Variants in RSPH4A observed in about 807,000 individuals in gnomAD.
RSPH4A encodes radial spoke head component 4A.
In RSPH4A, 47 loss-of-function variants were observed where a neutral mutation model predicts 71.0. That is an observed-to-expected ratio of 0.66 (90% CI 0.52 to 0.84). RSPH4A has a LOEUF of 0.84. Among genes scored for constraint, RSPH4A ranks in the 40% least tolerant of loss-of-function variants. The pLI is 0.00. For synonymous variants in RSPH4A, 282 were observed against 302.3 expected (o/e 0.93, Z 0.70); for missense variants, 793 against 855.2 (o/e 0.93, Z 0.91).
intron 5 of RSPH4A, among the ~76,000 whole-genome samples, chr6:116,630,845 G>GTGT (rs1285123787): frequency 1.5e-5 from 1 of 67,714 alleles, no homozygotes; most frequent in African/African-American, 7.3e-5. Context: ...GCTAATTTTT[G>GTGT]TATTTTTTTT....
At chr6:116,631,411 A>G (rs1775802684) in intron 5 of RSPH4A, among the ~76,000 whole-genome samples, 3 of 152,158 alleles carry the variant, frequency 2.0e-5, no homozygotes, top group South Asian at 4.1e-4. Context: ...CCTCTATTGG[A>G]GAGTCAGGTG....
chr6:116,629,850 T>C (rs1272565981), intron 4 of RSPH4A, 148 bp downstream of exon 4: 1 of 748,580 alleles, frequency 1.3e-6, no homozygotes, highest in Non-Finnish European at 2.2e-6. Context: ...TCTGGGATGA[T>C]AGGGAGTGAA....
intron 2 of RSPH4A, among the ~76,000 whole-genome samples, chr6:116,626,934 A>G (rs965626270): frequency 1.3e-5 from 2 of 152,118 alleles, no homozygotes; most frequent in African/African-American, 2.4e-5. Context: ...TAATATAGAC[A>G]TATGGAAAAC....
rs746335904 is a variant in RSPH4A at position 116,627,793 on chromosome 6, G to C, written c.1086G>C (p.Leu362=). 1.2e-6 allele frequency: 2 copies of C among 1,614,116 alleles called. No individual in the cohort carries two copies. The highest frequency in any genetic ancestry group is 3.3e-5 in the Admixed American group (2 of 60,016). The change falls in exon 3 of 6, where the codon CTG becomes CTC. Residue 362 remains leucine (L), a synonymous_variant. Transcript: ENST00000229554. ...GCTTCTGGGGAAAGATCTTGGGTCT[G>C]GAAATGAATTATATTGTAGCTGAAG... ...RCRFWGKILG[L]EMNYIVAEVE...
At chr6:116,617,917 C>T (rs537789444) in intron 1 of RSPH4A, among the ~76,000 whole-genome samples, 5 of 152,240 alleles carry the variant, frequency 3.3e-5, no homozygotes, top group East Asian at 1.9e-4. Flanking sequence ...TATGTTCTGC[C>T]CATCCCATTA....
Position 116,616,964 on chromosome 6 carries a change from C to A in RSPH4A, c.341C>A (p.Thr114Lys), listed in dbSNP as rs562856574. The A allele has an allele frequency of 1.7e-4, 280 of 1,614,224 alleles. 6 individuals are homozygous for A. In the Admixed American group the frequency reaches 4.5e-3, roughly 26 times the overall value. ...LAAPPQSDRT[T>K]SVIPEAGTPY... ...GCACCACCTCAGTCGGACAGGACCA[C>A]GAGTGTGATTCCTGAAGCTGGGACA... The change falls in exon 1 of 6, where the codon ACG becomes AAG. Residue 114 changes from threonine to lysine, a missense_variant. Transcript: ENST00000229554.
intron 5 of RSPH4A, among the ~76,000 whole-genome samples, chr6:116,631,217 T>C (rs1013942530): frequency 2.0e-5 from 3 of 152,224 alleles, no homozygotes; most frequent in African/African-American, 7.2e-5. Flanking sequence ...TGGAGGTATT[T>C]CTAAGCAATG....
At chr6:116,624,154 A>C (rs927754227) in intron 2 of RSPH4A, among the ~76,000 whole-genome samples, 1 of 152,352 alleles carries the variant, frequency 6.6e-6, no homozygotes, top group Admixed American at 6.5e-5. Context: ...GAGACAGTAG[A>C]TGCTTTCTCC....
At chr6:116,626,264 T>C (rs76695434) in intron 2 of RSPH4A, among the ~76,000 whole-genome samples, 6,619 of 152,320 alleles carry the variant, frequency 0.043, 244 homozygotes, top group Admixed American at 0.14. Context: ...AAGTTTTTCA[T>C]CTTGAGGGTC....
rs146636625 is a variant in RSPH4A, at chr6:116,628,040, C to A, written c.1333C>A (p.Pro445Thr). ...ACCAGGAAGACCATGGGTGAAGTTA[C>A]CACCAGTTATACCTGCACAAATTGT... Reference protein sequence around the residue: ...NEPGRPWVKLPPVIPAQIVIA... With the variant: ...NEPGRPWVKLTPVIPAQIVIA... Residue 445 changes from proline to threonine, a missense_variant, in exon 3 of 6, where the codon CCA becomes ACA. Pro to Thr is a conservative substitution (Grantham distance 38). Transcript: ENST00000229554. 1 of 1,614,138 alleles carries A rather than the reference C, an allele frequency of 6.2e-7. No individual in the cohort carries two copies.
intron 2 of RSPH4A, among the ~76,000 whole-genome samples, chr6:116,625,031 A>G (rs1775671608): frequency 1.3e-5 from 2 of 152,198 alleles, no homozygotes; most frequent in African/African-American, 4.8e-5. Context: ...ATTTTGAGCA[A>G]GAGGCTAAAC....
chr6:116,630,362 T>C, intron 4 of RSPH4A, 73 bp from the exon 5 acceptor site: 1 of 823,036 alleles, frequency 1.2e-6, no homozygotes, highest in Non-Finnish European at 2.2e-6. Flanking sequence ...TGTGTGTATT[T>C]ATAAAAATAG....
At chr6:116,618,501 CTTG>C (rs968225499) in intron 1 of RSPH4A, among the ~76,000 whole-genome samples, 26 of 152,146 alleles carry the variant, frequency 1.7e-4, no homozygotes, top group African/African-American at 5.8e-4. Context: ...TAGAAGACTT[CTTG>C]TTGTTGCTGT....
rs201457195 is a variant in RSPH4A at position 116,629,522 on chromosome 6, T to G, written c.1663-45T>G. ...AATTCAAATGAATAATCTGAAATTT[T>G]AAGGTCCCCATTAGACTACTAAATC... On this transcript the variant is annotated intron_variant, in intron 3 of 5. Transcript: ENST00000229554. The G allele has an allele frequency of 1.6e-5, 26 of 1,600,548 alleles. No individual in the cohort carries two copies. In the Admixed American group the frequency reaches 4.3e-4, roughly 27 times the overall value.
intron 2 of RSPH4A, among the ~76,000 whole-genome samples, chr6:116,623,871 G>T (rs1775652432): frequency 6.6e-6 from 1 of 152,014 alleles, no homozygotes; most frequent in African/African-American, 2.4e-5. Flanking sequence ...ACAAAATTTT[G>T]AAAATATTTG....
intron 2 of RSPH4A, among the ~76,000 whole-genome samples, chr6:116,623,509 GT>G (rs1775646635): frequency 6.6e-6 from 1 of 151,756 alleles, no homozygotes; most frequent in Non-Finnish European, 1.5e-5. Context: ...TTCATACTGT[GT>G]TTTAGTATTT....
intron 2 of RSPH4A, among the ~76,000 whole-genome samples, chr6:116,625,009 G>A (rs1231610633): frequency 5.3e-5 from 8 of 151,946 alleles, no homozygotes; most frequent in Non-Finnish European, 8.8e-5. Context: ...CAACTAGCTT[G>A]CTAGTTGTGT....
At chr6:116,622,560 A>G (rs1054669869) in intron 1 of RSPH4A, among the ~76,000 whole-genome samples, 2 of 152,176 alleles carry the variant, frequency 1.3e-5, no homozygotes, top group Non-Finnish European at 2.9e-5. Flanking sequence ...ACTTCAAGTT[A>G]TTGAAGTTCC....
chr6:116,630,663 T>C (rs78590838), intron 5 of RSPH4A, 111 bp downstream of exon 5: 2 of 541,582 alleles, frequency 3.7e-6, no homozygotes, highest in Non-Finnish European at 3.3e-6. Flanking sequence ...GTTTTTTTTT[T>C]CGTGTTTTTT....
Sources: gnomAD v4.1 joint callset for allele counts (sites outside exome capture counted in the v4.1 genomes callset) on GRCh38, gnomAD v4.1.1 for gene constraint, MANE v1.5 for transcripts, NCBI Gene and HGNC (gene_info 2026-07-23, HGNC 2026-07-21) for gene names.